Variants in SULF1 observed in about 807,000 individuals in gnomAD.
The protein encoded by SULF1 is extracellular sulfatase Sulf-1.
A neutral mutation model predicts 110.5 loss-of-function variants in SULF1; 46 were observed. The ratio of observed to expected loss-of-function variants is 0.42; its 90% CI spans 0.33 to 0.53. The LOEUF is 0.53. Among genes scored for constraint, SULF1 ranks in the 20% least tolerant of loss-of-function variants. The pLI is 0.12. For synonymous variants in SULF1, 371 were observed against 387.1 expected, an observed-to-expected ratio of 0.96 and a Z score of 0.49; for missense variants, 941 against 1,094.2, an observed-to-expected ratio of 0.86 and a Z score of 1.98.
At chr8:69,588,034 A>G (rs995649041) in intron 7 of SULF1, among the ~76,000 whole-genome samples, 1 of 152,362 alleles carries the variant, frequency 6.6e-6, no homozygotes, top group Admixed American at 6.5e-5. Context: ...AATCCACAAC[A>G]TGTGATTAGC....
rs541067574 is a variant in SULF1 at position 69,471,815 on chromosome 8, A to G, written c.-391+4865A>G. Among the ~76,000 whole-genome samples the G allele has an allele frequency of 2.6e-5, 4 of 152,338 alleles. No individual in the cohort carries two copies. In the South Asian group the frequency reaches 6.2e-4, roughly 24 times the overall value. On this transcript the variant is annotated intron_variant, in intron 1 of 22. Transcript: ENST00000260128. The stretch of plus-strand genomic sequence containing the variant: ...ATATCCAATATTGTATGTTCAATAA[A>G]TGGAAGTGAGAGAGGGTTGATTGGT...
At chr8:69,549,010 C>T (rs1484971354) in intron 3 of SULF1, among the ~76,000 whole-genome samples, 1 of 152,178 alleles carries the variant, frequency 6.6e-6, no homozygotes, top group Non-Finnish European at 1.5e-5. Context: ...TTATACCCAC[C>T]CCACCCTGGG....
intron 3 of SULF1, among the ~76,000 whole-genome samples, chr8:69,548,448 CTTTT>C (rs11420223): frequency 6.5e-5 from 9 of 138,702 alleles, no homozygotes; most frequent in African/African-American, 1.3e-4. Flanking sequence ...TGGATGTTAA[CTTTT>C]TTTTTTTTTT....
chr8:69,583,310 T>C (rs1348879048), intron 6 of SULF1, among the ~76,000 whole-genome samples: 1 of 151,858 alleles, frequency 6.6e-6, no homozygotes, highest in Non-Finnish European at 1.5e-5. Flanking sequence ...ATGCCTGTAA[T>C]CCCAGCACTT....
chr8:69,527,896 G>A (rs1002852500), intron 3 of SULF1, among the ~76,000 whole-genome samples: 1 of 152,158 alleles, frequency 6.6e-6, no homozygotes, highest in African/African-American at 2.4e-5. Context: ...GACAAGGAGG[G>A]AGGAAATGAG....
intron 19 of SULF1, among the ~76,000 whole-genome samples, chr8:69,636,263 G>C (rs941269751): frequency 3.3e-5 from 5 of 152,160 alleles, no homozygotes; most frequent in Admixed American, 1.3e-4. Context: ...CAGACCGGGC[G>C]CGGTGGCTCA....
At chr8:69,634,508 C>T (rs1337252540) in intron 19 of SULF1, among the ~76,000 whole-genome samples, 1 of 152,160 alleles carries the variant, frequency 6.6e-6, no homozygotes, top group East Asian at 1.9e-4. Flanking sequence ...GTGACTCACA[C>T]CTGTAATCCC....
chr8:69,555,218 T>G (rs1177332330), intron 3 of SULF1, among the ~76,000 whole-genome samples: 1 of 152,150 alleles, frequency 6.6e-6, no homozygotes, highest in African/African-American at 2.4e-5. Context: ...TCACACTGTT[T>G]CCCAGAGCTT....
intron 2 of SULF1, among the ~76,000 whole-genome samples, chr8:69,497,714 CA>C (rs1178615119): frequency 6.6e-6 from 1 of 152,090 alleles, no homozygotes; most frequent in African/African-American, 2.4e-5. Context: ...GATGAGTTTA[CA>C]AAGTTTCAGA....
intron 3 of SULF1, among the ~76,000 whole-genome samples, chr8:69,513,720 A>G (rs1160498124): frequency 6.6e-6 from 1 of 152,226 alleles, no homozygotes. Flanking sequence ...CTGTTGTTTC[A>G]TCAGCTCAAC....
At chr8:69,486,185 T>TA (rs1373935211) in intron 1 of SULF1, among the ~76,000 whole-genome samples, 1 of 152,174 alleles carries the variant, frequency 6.6e-6, no homozygotes, top group East Asian at 1.9e-4. Flanking sequence ...GTTCATGCCA[T>TA]AAAAGACTCT....
At chr8:69,467,186 G>A (rs1055647582) in intron 1 of SULF1, 3 of 152,154 alleles carry the variant, frequency 2.0e-5, no homozygotes, top group Non-Finnish European at 4.4e-5. Flanking sequence ...TGGGAGCCGC[G>A]TTTGTACCTT....
intron 3 of SULF1, among the ~76,000 whole-genome samples, chr8:69,521,504 A>G (rs907951296): frequency 1.3e-5 from 2 of 152,206 alleles, no homozygotes; most frequent in Non-Finnish European, 2.9e-5. Context: ...AGGAAGTAGC[A>G]ACCAGATCTT....
intron 3 of SULF1, among the ~76,000 whole-genome samples, chr8:69,534,384 G>A (rs192402593): frequency 2.0e-3 from 309 of 152,232 alleles, no homozygotes; most frequent in Non-Finnish European, 3.4e-3. Flanking sequence ...TTCTGGGTGA[G>A]TTAGTATTAA....
intron 13 of SULF1, among the ~76,000 whole-genome samples, chr8:69,610,144 T>A (rs937961705): frequency 6.6e-6 from 1 of 152,212 alleles, no homozygotes; most frequent in Non-Finnish European, 1.5e-5. Flanking sequence ...TTAGTTTGCC[T>A]TTCTACTATT....
At chr8:69,554,095 T>G (rs976367329) in intron 3 of SULF1, among the ~76,000 whole-genome samples, 10 of 152,194 alleles carry the variant, frequency 6.6e-5, no homozygotes, top group African/African-American at 2.4e-4. Flanking sequence ...TGGCTTTACT[T>G]GTGGGGCCCA....
chr8:69,524,808 T>A (rs1812550479), intron 3 of SULF1, among the ~76,000 whole-genome samples: 1 of 152,196 alleles, frequency 6.6e-6, no homozygotes, highest in Non-Finnish European at 1.5e-5. Context: ...GCTTCTTTTT[T>A]TTATAGTGAA....
intron 13 of SULF1, among the ~76,000 whole-genome samples, chr8:69,617,951 T>G (rs895001612): frequency 6.6e-6 from 1 of 152,164 alleles, no homozygotes; most frequent in Non-Finnish European, 1.5e-5. Flanking sequence ...CAAAGACCCA[T>G]GCATCTGAGC....
intron 6 of SULF1, among the ~76,000 whole-genome samples, chr8:69,582,478 A>G (rs762747071): frequency 6.6e-6 from 1 of 152,180 alleles, no homozygotes; most frequent in Non-Finnish European, 1.5e-5. Context: ...AGCGCTTTAC[A>G]TATGTGTTGA....
Sources: allele counts gnomAD v4.1 joint callset (sites outside exome capture counted in the v4.1 genomes callset), GRCh38; gene constraint gnomAD v4.1.1; transcripts MANE v1.5; gene names NCBI Gene and HGNC (gene_info 2026-07-23, HGNC 2026-07-21).